The following ADAMTS18 variants were observed in gnomAD, a reference collection of about 807,000 sequenced individuals.
ADAMTS18 encodes the protein ADAM metallopeptidase with thrombospondin type 1 motif 18.
A neutral mutation model predicts 165.9 loss-of-function variants in ADAMTS18; 157 were observed. The ratio of observed to expected loss-of-function variants is 0.95; its 90% CI spans 0.83 to 1.08. ADAMTS18 has a LOEUF of 1.08. ADAMTS18 is among the 50% of genes least tolerant of loss of function. The probability of loss-of-function intolerance (pLI) is 0.00; values close to 1 mark genes in which losing one functional copy is unlikely to be tolerated. For missense variants in ADAMTS18, 2,040 were observed against 1,534.0 expected (o/e 1.33, Z -5.51); for synonymous variants, 782 against 578.2 (o/e 1.35, Z -5.06).
In ADAMTS18 at chr16:77,363,020, C is replaced by A. The variant is rs549878846; in HGVS notation, c.1057-756G>T. On this transcript the variant is annotated intron_variant, in intron 6 of 22. Coordinates refer to ENST00000282849, the MANE Select transcript of ADAMTS18 (RefSeq NM_199355.4). Reference sequence around the variant, plus strand: ...GCTCTCCACACCTGGGCAATTAGATCAACTTTTGTCTTGTCTGTGTCTTCC... The same window carrying A: ...GCTCTCCACACCTGGGCAATTAGATAAACTTTTGTCTTGTCTGTGTCTTCC... Among the ~76,000 whole-genome samples, 35 of 152,300 alleles carry A rather than the reference C, an allele frequency of 2.3e-4. 1 individual carries two copies. In the South Asian group the frequency reaches 6.8e-3, roughly 30 times the overall value.
At chr16:77,335,586 T>A (rs1181887078) in intron 12 of ADAMTS18, among the ~76,000 whole-genome samples, 170 bp downstream of exon 12, 1 of 152,120 alleles carries the variant, frequency 6.6e-6, no homozygotes, top group Admixed American at 6.6e-5. Flanking sequence ...CATTCCACAT[T>A]GTATAGTTGT....
intron 3 of ADAMTS18, among the ~76,000 whole-genome samples, chr16:77,369,798 G>A (rs1345661863): frequency 6.6e-6 from 1 of 152,068 alleles, no homozygotes; most frequent in East Asian, 1.9e-4. Context: ...AGAAATCTAC[G>A]GGTCAGTATA....
intron 3 of ADAMTS18, among the ~76,000 whole-genome samples, chr16:77,395,505 C>T (rs2057244938): frequency 6.6e-6 from 1 of 152,226 alleles, no homozygotes; most frequent in Non-Finnish European, 1.5e-5. Context: ...CCTATCACCT[C>T]TCAACTGAAT....
At chr16:77,289,605 G>C (rs1238764894) in intron 21 of ADAMTS18, 194 bp from the exon 22 acceptor site, 4 of 659,742 alleles carry the variant, frequency 6.1e-6, no homozygotes, top group African/African-American at 5.4e-5. Context: ...TGATTAGAAG[G>C]GTTTTAGGCA....
At chr16:77,376,599 C>T (rs990573625) in intron 3 of ADAMTS18, among the ~76,000 whole-genome samples, 1 of 152,224 alleles carries the variant, frequency 6.6e-6, no homozygotes, top group African/African-American at 2.4e-5. Flanking sequence ...CACATTGCTT[C>T]TTCCTGCATT....
chr16:77,358,166 CATGTGTGTCTAAAT>C (rs1369503059), intron 8 of ADAMTS18, among the ~76,000 whole-genome samples: 1 of 151,960 alleles, frequency 6.6e-6, no homozygotes, highest in Non-Finnish European at 1.5e-5. Context: ...GGAAAGTGTG[CATGTGTGTCTAAAT>C]GTGTGTGTGT....
At chr16:77,298,320 T>G (rs1210615219) in intron 17 of ADAMTS18, among the ~76,000 whole-genome samples, 1 of 152,194 alleles carries the variant, frequency 6.6e-6, no homozygotes, top group African/African-American at 2.4e-5. Flanking sequence ...TGAATAATTG[T>G]ATTTTTTAGT....
intron 3 of ADAMTS18, among the ~76,000 whole-genome samples, chr16:77,418,739 G>T (rs1002024450): frequency 3.3e-5 from 5 of 152,242 alleles, no homozygotes; most frequent in Admixed American, 3.3e-4. Context: ...AGATGGCCAT[G>T]AATCTGAAAA....
intron 22 of ADAMTS18, among the ~76,000 whole-genome samples, chr16:77,285,273 A>C (rs1454261301): frequency 6.6e-6 from 1 of 152,140 alleles, no homozygotes; most frequent in African/African-American, 2.4e-5. Context: ...CATGTATTCA[A>C]ATGGTTCTCC....
chr16:77,378,334 CAA>C, intron 3 of ADAMTS18, among the ~76,000 whole-genome samples: 1 of 67,576 alleles, frequency 1.5e-5, no homozygotes, highest in South Asian at 5.1e-4. Context: ...AAAACAAAAA[CAA>C]AAACAAAAAA....
At chr16:77,366,203 T>C (rs1213181817) in intron 4 of ADAMTS18, among the ~76,000 whole-genome samples, 3 of 152,200 alleles carry the variant, frequency 2.0e-5, no homozygotes, top group Non-Finnish European at 4.4e-5. Context: ...ACAGTTTCCA[T>C]GCACAGCTAC....
chr16:77,404,668 A>T (rs746926379), intron 3 of ADAMTS18, among the ~76,000 whole-genome samples: 12 of 152,074 alleles, frequency 7.9e-5, no homozygotes, highest in Non-Finnish European at 1.6e-4. Context: ...CCTAAACCCA[A>T]ACCACGTCAT....
At chr16:77,401,267 T>TAAC (rs969297269) in intron 3 of ADAMTS18, among the ~76,000 whole-genome samples, 2 of 151,596 alleles carry the variant, frequency 1.3e-5, no homozygotes, top group Non-Finnish European at 2.9e-5. Context: ...ACAACAACAA[T>TAAC]AACAACAACA....
chr16:77,312,517 C>T (rs926711933), intron 16 of ADAMTS18, among the ~76,000 whole-genome samples: 9 of 152,130 alleles, frequency 5.9e-5, no homozygotes, highest in East Asian at 1.9e-4. Flanking sequence ...GGATTGCAGG[C>T]GTGAGCCACC....
intron 21 of ADAMTS18, among the ~76,000 whole-genome samples, chr16:77,290,342 T>C (rs2055338569): frequency 6.6e-6 from 1 of 152,200 alleles, no homozygotes; most frequent in African/African-American, 2.4e-5. Context: ...AGTTAAACTT[T>C]ATAAAAACAG....
rs2057778280 is a variant in ADAMTS18, at chr16:77,434,837, G to C, written c.-142C>G. 1 of 653,216 alleles carries C rather than the reference G, an allele frequency of 1.5e-6. No homozygotes were observed. Among genetic ancestry groups the C allele is most frequent in the African/African-American group, 1.9e-5 (1 of 51,796 alleles). 40.5% of individuals were successfully genotyped at this position (653,216 alleles called of 1,614,324 possible). On this transcript the variant is annotated 5_prime_UTR_variant, in exon 1 of 23. Coordinates refer to ENST00000282849, the MANE Select transcript of ADAMTS18 (RefSeq NM_199355.4). ...GAGCCGCCGCCGTTCACATCGCAGC[G>C]GGGGCGCGCTGGGACCTCCCCTCCT...
In ADAMTS18 at chr16:77,333,329, G is replaced by A. The variant is rs146224629; in HGVS notation, c.1859+2427C>T. On this transcript the variant is annotated intron_variant, in intron 12 of 22. Transcript: ENST00000282849. ...GCATGGTGGGGAGCAAGGGGAGGGA[G>A]AGCTTTACAACAAATACCTAATGCA... is the stretch of plus-strand genomic sequence containing the variant. Among the ~76,000 whole-genome samples, 222 of 152,148 alleles carry A rather than the reference G, an allele frequency of 1.5e-3. 2 individuals are homozygous for A. The highest frequency in any genetic ancestry group is 5.2e-3 in the African/African-American group (214 of 41,506).
chr16:77,423,371 T>G (rs539594458), intron 3 of ADAMTS18, among the ~76,000 whole-genome samples: 2 of 152,220 alleles, frequency 1.3e-5, no homozygotes, highest in Non-Finnish European at 2.9e-5. Flanking sequence ...GAGGAAGGTC[T>G]GCAATAATGA....
rs74025765 is a variant in ADAMTS18 at position 77,282,429 on chromosome 16, C to G, written c.*1527G>C. The G allele has an allele frequency of 6.7e-3, 1,021 of 152,156 alleles. 14 individuals carry two copies. Among genetic ancestry groups the G allele is most frequent in the African/African-American group, 0.023 (947 of 41,474 alleles). The allele number at this position is 152,156 out of a possible 1,614,324, so 9.4% of individuals were successfully genotyped here. On this transcript the variant is annotated 3_prime_UTR_variant, in exon 23 of 23. Transcript: ENST00000282849. ...AAATGGCCACTTCTCTAGGCCAAGC[C>G]AAGCAGATTGAGAGAAGTTCCTAAG...
Sources: gnomAD v4.1 joint callset for allele counts (sites outside exome capture counted in the v4.1 genomes callset) on GRCh38, gnomAD v4.1.1 for gene constraint, MANE v1.5 for transcripts, NCBI Gene and HGNC (gene_info 2026-07-23, HGNC 2026-07-21) for gene names.